Variants in B3GALT5 observed in about 807,000 individuals in gnomAD.
The protein encoded by B3GALT5 is UDP-Gal:betaGlcNAc beta 1,3-galactosyltransferase, polypeptide 5.
For synonymous variants in B3GALT5, 156 were observed against 158.6 expected (o/e 0.98, Z 0.12); for missense variants, 328 against 396.6 (o/e 0.83, Z 1.47).
chr21:39,659,293 T>G (rs2079484674), intron 2 of B3GALT5, among the ~76,000 whole-genome samples: 1 of 152,184 alleles, frequency 6.6e-6, no homozygotes, highest in East Asian at 1.9e-4. Flanking sequence ...TGCTTTTCAC[T>G]CTTTCAGTTT....
At chr21:39,624,938 C>T (rs745998648) in intron 1 of B3GALT5, among the ~76,000 whole-genome samples, 60 of 151,912 alleles carry the variant, frequency 3.9e-4, no homozygotes, top group Non-Finnish European at 4.0e-4. Flanking sequence ...TGACTCCCTC[C>T]GAGGGAGAAG....
At chr21:39,638,191 G>A (rs1602270278) in intron 1 of B3GALT5, among the ~76,000 whole-genome samples, 1 of 152,116 alleles carries the variant, frequency 6.6e-6, no homozygotes, top group Non-Finnish European at 1.5e-5. Flanking sequence ...GTGAGGACAG[G>A]CATTTTTGTT....
In B3GALT5 at chr21:39,646,446, T is replaced by C. The variant is rs560437169; in HGVS notation, c.-337T>C. 3 of 152,298 alleles carry C rather than the reference T, an allele frequency of 2.0e-5. No homozygotes were observed. In the East Asian group the frequency reaches 5.8e-4, roughly 29 times the overall value. 9.4% of individuals were successfully genotyped at this position (152,298 alleles called of 1,614,324 possible). On this transcript the variant is annotated 5_prime_UTR_variant, in exon 2 of 4. The change abolishes an upstream ATG in the 5' untranslated region. Coordinates refer to ENST00000684187, the MANE Select transcript of B3GALT5 (RefSeq NM_001356336.2). ...AAGCATTTGTGTTCAAGTAAGAAAA[T>C]GTATCCAAGTCACAAAGAAACATAA...
intron 1 of B3GALT5, among the ~76,000 whole-genome samples, chr21:39,636,495 T>G (rs1478596852): frequency 6.6e-6 from 1 of 152,080 alleles, no homozygotes; most frequent in Non-Finnish European, 1.5e-5. Context: ...CCCCTGTTGT[T>G]GCTTCCCAAT....
At position 39,671,578 on chromosome 21, in the gene B3GALT5, T is replaced by A. The variant is rs2079628845; in HGVS notation, c.*10086T>A. 1 of 152,214 alleles carries A rather than the reference T, an allele frequency of 6.6e-6. No individual in the cohort carries two copies. The highest frequency in any genetic ancestry group is 1.5e-5 in the Non-Finnish European group (1 of 68,034). 9.4% of individuals were successfully genotyped at this position (152,214 alleles called of 1,614,324 possible). Reference sequence around the variant, plus strand: ...CCTTCAAACATCAGTTCCTGAAGCCTCTTTTATTCATTATTGTTGGGACTT... The same window carrying A: ...CCTTCAAACATCAGTTCCTGAAGCCACTTTTATTCATTATTGTTGGGACTT... On this transcript the variant is annotated 3_prime_UTR_variant, in exon 4 of 4. Coordinates refer to ENST00000684187, the MANE Select transcript of B3GALT5 (RefSeq NM_001356336.2).
intron 1 of B3GALT5, among the ~76,000 whole-genome samples, chr21:39,642,028 G>A (rs759606443): frequency 7.9e-5 from 12 of 152,208 alleles, no homozygotes; most frequent in Non-Finnish European, 1.6e-4. Flanking sequence ...CTTTACAACA[G>A]CATACCAGCT....
intron 1 of B3GALT5, among the ~76,000 whole-genome samples, chr21:39,623,241 C>CCCTT (rs1182848314): frequency 0.052 from 920 of 17,688 alleles, 78 homozygotes; most frequent in Non-Finnish European, 0.07. Context: ...CTCCCTCCCT[C>CCCTT]CCTTCCTTCC....
intron 1 of B3GALT5, among the ~76,000 whole-genome samples, chr21:39,615,758 C>T (rs547323357): frequency 2.0e-5 from 3 of 152,094 alleles, no homozygotes; most frequent in Non-Finnish European, 4.4e-5. Context: ...GTGAGGATTA[C>T]GTGGTTCTGT....
intron 1 of B3GALT5, among the ~76,000 whole-genome samples, chr21:39,643,429 A>G (rs1188738311): frequency 6.6e-6 from 1 of 150,776 alleles, no homozygotes; most frequent in African/African-American, 2.5e-5. Context: ...AAAAAAAAAA[A>G]AAAAGAAAAA....
chr21:39,648,593 C>T (rs2146206731), intron 2 of B3GALT5, among the ~76,000 whole-genome samples: 1 of 152,306 alleles, frequency 6.6e-6, no homozygotes, highest in East Asian at 1.9e-4. Context: ...GCCCTCCATG[C>T]AGTTGAGGGA....
intron 1 of B3GALT5, among the ~76,000 whole-genome samples, chr21:39,624,383 G>A (rs1478838406): frequency 6.6e-6 from 1 of 152,194 alleles, no homozygotes; most frequent in Non-Finnish European, 1.5e-5. Context: ...TGTGGGCAAA[G>A]TAGAGAAACA....
At chr21:39,657,539 G>A (rs1346595211) in intron 2 of B3GALT5, 1 of 197,456 alleles carries the variant, frequency 5.1e-6, no homozygotes, top group Non-Finnish European at 1.0e-5. Flanking sequence ...TGAGGCTCTT[G>A]GTCTTGGACT....
rs909145561 is a variant in B3GALT5 at position 39,651,683 on chromosome 21, C to T, written c.-161+5061C>T. Reference sequence around the variant, plus strand: ...GTAGTAGAACTTGTGACTTTGTCACCAAAAGAAATCACTTATTTTCACATC... The same window carrying T: ...GTAGTAGAACTTGTGACTTTGTCACTAAAAGAAATCACTTATTTTCACATC... On this transcript the variant is annotated intron_variant, in intron 2 of 3. Coordinates refer to ENST00000684187, the MANE Select transcript of B3GALT5 (RefSeq NM_001356336.2). Among the ~76,000 whole-genome samples, 19 of 152,204 alleles carry T rather than the reference C, an allele frequency of 1.2e-4. No homozygotes were observed. The East Asian group carries it at 2.1e-3, about 17-fold the overall frequency.
intron 1 of B3GALT5, among the ~76,000 whole-genome samples, chr21:39,620,513 C>G (rs756626218): frequency 6.6e-6 from 1 of 152,104 alleles, no homozygotes; most frequent in Admixed American, 6.5e-5. Flanking sequence ...TTGTGTCTTT[C>G]TAGCACATGG....
chr21:39,643,502 C>A (rs2146202502), intron 1 of B3GALT5, among the ~76,000 whole-genome samples: 1 of 152,174 alleles, frequency 6.6e-6, no homozygotes, highest in East Asian at 1.9e-4. Flanking sequence ...AGCTGCCTTG[C>A]CTGCCTCTGC....
At chr21:39,613,935 T>C (rs530365589) in intron 1 of B3GALT5, among the ~76,000 whole-genome samples, 1 of 152,388 alleles carries the variant, frequency 6.6e-6, no homozygotes, top group East Asian at 1.9e-4. Context: ...ATATTAACAT[T>C]ACTTCTCATC....
At chr21:39,651,271 T>G (rs548832554) in intron 2 of B3GALT5, among the ~76,000 whole-genome samples, 1 of 152,328 alleles carries the variant, frequency 6.6e-6, no homozygotes, top group African/African-American at 2.4e-5. Context: ...ACTGGGTGGC[T>G]TAAAACACAG....
At position 39,669,813 on chromosome 21, in the gene B3GALT5, C is replaced by G. The variant is rs1422806312; in HGVS notation, c.*8321C>G. The G allele has an allele frequency of 6.6e-6, 1 of 152,216 alleles. No individual in the cohort carries two copies. Among genetic ancestry groups the G allele is most frequent in the Non-Finnish European group, 1.5e-5 (1 of 68,062 alleles). The allele number at this position is 152,216 out of a possible 1,614,324, so 9.4% of individuals were successfully genotyped here. A position where few individuals can be genotyped will look rare whatever the true frequency, so the allele number is the denominator to read the frequency against. ...CTCCCGCGAGCAGCCTTGCTTTTCTCCACTTGGCACAGTGGTGAGTCCTCC... is the reference window on the plus strand; with the variant it reads ...CTCCCGCGAGCAGCCTTGCTTTTCTGCACTTGGCACAGTGGTGAGTCCTCC... On this transcript the variant is annotated 3_prime_UTR_variant, in exon 4 of 4. Transcript: ENST00000684187.
intron 2 of B3GALT5, among the ~76,000 whole-genome samples, chr21:39,648,571 G>A (rs1025684549): frequency 1.3e-4 from 20 of 152,140 alleles, no homozygotes; most frequent in African/African-American, 4.8e-4. Flanking sequence ...TGCATTCTGG[G>A]GGACAAGTTT....
Sources: gnomAD v4.1 joint callset for allele counts (sites outside exome capture counted in the v4.1 genomes callset) on GRCh38, gnomAD v4.1.1 for gene constraint, MANE v1.5 for transcripts, NCBI Gene and HGNC (gene_info 2026-07-23, HGNC 2026-07-21) for gene names.